LRRC28: variants seen among roughly 807,000 people sequenced by gnomAD.
The protein encoded by LRRC28 is leucine-rich repeat-containing protein 28.
LRRC28 carries 39 observed loss-of-function variants against 45.7 expected under a neutral mutation model. That is an observed-to-expected ratio of 0.85 (90% confidence interval 0.66 to 1.12). The LOEUF (loss-of-function observed/expected upper bound fraction) is 1.12. Ranked by LOEUF, LRRC28 falls within the 50% of genes most tolerant of loss-of-function variation. The pLI is 0.00. For missense variants in LRRC28, 435 were observed against 438.5 expected, an observed-to-expected ratio of 0.99 and a Z score of 0.07; for synonymous variants, 206 against 178.8, an observed-to-expected ratio of 1.15 and a Z score of -1.22.
intron 5 of LRRC28, among the ~76,000 whole-genome samples, chr15:99,293,319 T>C (rs2082173854): frequency 6.6e-6 from 1 of 152,032 alleles, no homozygotes; most frequent in East Asian, 1.9e-4. Flanking sequence ...TAAGGTTGGG[T>C]GCGGTGGCTC....
At chr15:99,385,964 G>A in intron 9 of LRRC28, 66 bp from the exon 10 acceptor site, 1 of 1,444,828 alleles carries the variant, frequency 6.9e-7, no homozygotes, top group Non-Finnish European at 9.7e-7. Flanking sequence ...AAAGTTTCCA[G>A]CAGAAAGAAT....
chr15:99,374,952 C>A (rs1957585156), intron 9 of LRRC28, among the ~76,000 whole-genome samples: 2 of 152,040 alleles, frequency 1.3e-5, no homozygotes, highest in Non-Finnish European at 2.9e-5. Context: ...CAGGCATGAG[C>A]CACCGCACCC....
chr15:99,316,462 G>T (rs1955597155), intron 5 of LRRC28, among the ~76,000 whole-genome samples: 2 of 152,138 alleles, frequency 1.3e-5, no homozygotes, highest in African/African-American at 4.8e-5. Flanking sequence ...GGGAATTAGG[G>T]AATAAGGAAA....
At chr15:99,304,673 C>T (rs1368408149) in intron 5 of LRRC28, among the ~76,000 whole-genome samples, 1 of 152,028 alleles carries the variant, frequency 6.6e-6, no homozygotes, top group Non-Finnish European at 1.5e-5. Flanking sequence ...TCTTGAACTC[C>T]TGACCTCAAG....
At chr15:99,355,166 A>T (rs181881429) in intron 7 of LRRC28, among the ~76,000 whole-genome samples, 1 of 152,246 alleles carries the variant, frequency 6.6e-6, no homozygotes, top group Non-Finnish European at 1.5e-5. Context: ...GCTTCTTCTT[A>T]TTCTATGTTT....
intron 2 of LRRC28, among the ~76,000 whole-genome samples, chr15:99,272,250 C>T (rs572978116): frequency 1.3e-5 from 2 of 152,302 alleles, no homozygotes; most frequent in South Asian, 4.1e-4. Context: ...CTACACTGTA[C>T]TAGTCTCTCA....
chr15:99,347,012 T>A (rs898450299), intron 6 of LRRC28, among the ~76,000 whole-genome samples: 1 of 152,190 alleles, frequency 6.6e-6, no homozygotes, highest in Non-Finnish European at 1.5e-5. Context: ...TCATCTCACA[T>A]AGTTTTTCAT....
intron 2 of LRRC28, among the ~76,000 whole-genome samples, chr15:99,271,688 C>T (rs12592064): frequency 0.095 from 14,499 of 152,236 alleles, 969 homozygotes; most frequent in East Asian, 0.32. Flanking sequence ...CCTCCCCCTC[C>T]TGGGTTCAAG....
chr15:99,276,591 C>T lies in LRRC28; in HGVS notation c.184C>T (p.Gln62Ter), dbSNP rs773574636. 6.5e-7 allele frequency: 1 copy of T among 1,528,466 alleles called. No homozygotes were observed. The highest frequency in any genetic ancestry group is 8.7e-7 in the Non-Finnish European group (1 of 1,146,024). 94.7% of individuals were successfully genotyped at this position (1,528,466 alleles called of 1,614,324 possible). A position where few individuals can be genotyped will look rare whatever the true frequency, so the allele number is the denominator to read the frequency against. Residue 62 changes from glutamine to a stop codon, truncating the protein, a stop_gained, in exon 3 of 10, where the codon CAG (glutamine) becomes TAG (stop). Coordinates refer to ENST00000301981, the MANE Select transcript of LRRC28 (RefSeq NM_144598.5). LOFTEE classifies it high-confidence loss of function. ...TAATTTTCAGCCAGAAAACCTTGCTCAGAAGCTTCCAAACCTTGTGGAACT... is the reference window on the plus strand; with the variant it reads ...TAATTTTCAGCCAGAAAACCTTGCTTAGAAGCTTCCAAACCTTGTGGAACT... ...SLTSLPENLA[Q>*]KLPNLVELYL...
intron 5 of LRRC28, among the ~76,000 whole-genome samples, chr15:99,295,305 A>G (rs1219478163): frequency 6.6e-6 from 1 of 152,254 alleles, no homozygotes; most frequent in Non-Finnish European, 1.5e-5. Context: ...CATCAAAACT[A>G]TAACATTATT....
At chr15:99,276,765 C>G in intron 3 of LRRC28, 149 bp downstream of exon 3, 1 of 498,326 alleles carries the variant, frequency 2.0e-6, no homozygotes, top group Non-Finnish European at 3.4e-6. Flanking sequence ...TGTGGTTCTA[C>G]TAAACCCAAT....
chr15:99,288,371 CTTTTTTTTTTTTTT>C lies in LRRC28; in HGVS notation c.385+436_385+449del, dbSNP rs67593137. ...TAGTGAGGTAACTAATGTACATTAA[CTTTTTTTTTTTTTT>C]TTTTTTTTTTTTTTTGAGATAGAGT... On this transcript the variant is annotated intron_variant, in intron 5 of 9. Transcript: ENST00000301981. Among the ~76,000 whole-genome samples the C allele has an allele frequency of 3.2e-3, 262 of 82,922 alleles. 2 individuals carry two copies. Among genetic ancestry groups the C allele is most frequent in the Middle Eastern group, 0.029 (3 of 104 alleles). 54.4% of individuals were successfully genotyped at this position (82,922 alleles called of 152,430 possible). A position where few individuals can be genotyped will look rare whatever the true frequency, so the allele number is the denominator to read the frequency against.
At chr15:99,302,120 G>A (rs977402905) in intron 5 of LRRC28, among the ~76,000 whole-genome samples, 10 of 148,224 alleles carry the variant, frequency 6.7e-5, no homozygotes, top group Middle Eastern at 3.8e-3. Context: ...TCCACCTCCC[G>A]GGTTCACACC....
At chr15:99,318,546 A>G (rs541845339) in intron 5 of LRRC28, among the ~76,000 whole-genome samples, 6 of 152,156 alleles carry the variant, frequency 3.9e-5, no homozygotes, top group South Asian at 4.1e-4. Flanking sequence ...CTTGATATTA[A>G]TCATTTTTGA....
rs1440631067 is a variant in LRRC28, at chr15:99,307,670, A to G, written c.385+19719A>G. Among the ~76,000 whole-genome samples the G allele has an allele frequency of 2.0e-5, 3 of 152,176 alleles. No homozygotes were observed. The East Asian group carries it at 5.8e-4, about 29-fold the overall frequency. ...CTTCCCAGTTTATTTCTATCCTCTT[A>G]GAGTCCACACTCCATGAAGACTGGC... On this transcript the variant is annotated intron_variant, in intron 5 of 9. Transcript: ENST00000301981.
At position 99,378,533 on chromosome 15, in the gene LRRC28, A is replaced by C. The variant is rs181143169; in HGVS notation, c.1032-7497A>C. 4.1e-4 allele frequency among the ~76,000 whole-genome samples: 62 copies of C among 152,074 alleles called. No homozygotes were observed. The East Asian group carries it at 9.3e-3, about 23-fold the overall frequency. On this transcript the variant is annotated intron_variant, in intron 9 of 9. Transcript: ENST00000301981. ...TTTCCTAATTCAGTACCCTTTATTT[A>C]TTTCTCCTGCCTGATTGCCCTGGCC...
At chr15:99,364,961 C>A (rs1957301779) in intron 9 of LRRC28, among the ~76,000 whole-genome samples, 1 of 152,052 alleles carries the variant, frequency 6.6e-6, no homozygotes, top group South Asian at 2.1e-4. Context: ...AGTTCAAACC[C>A]TTATGCATTG....
rs1443219771 is a variant in LRRC28, at chr15:99,285,757, CT to C, written c.210-1494del. 1.5e-5 allele frequency: 8 copies of C among 521,710 alleles called. No homozygotes were observed. In the Admixed American group the frequency reaches 1.8e-4, roughly 12 times the overall value. The allele number at this position is 521,710 out of a possible 1,614,324, so 32.3% of individuals were successfully genotyped here. ...TATTTTGATTTGGACATTTTAACGT[CT>C]TTTTTATAGGTGGAACTTGAATTGA... On this transcript the variant is annotated intron_variant, in intron 3 of 9. Coordinates refer to ENST00000301981, the MANE Select transcript of LRRC28 (RefSeq NM_144598.5).
chr15:99,361,613 G>T (rs1424116787), intron 8 of LRRC28, 102 bp downstream of exon 8: 4 of 1,165,434 alleles, frequency 3.4e-6, no homozygotes, highest in Non-Finnish European at 4.8e-6. Context: ...AAATTATTGT[G>T]GTAAAATACA....
Sources: gnomAD v4.1 joint callset for allele counts (sites outside exome capture counted in the v4.1 genomes callset) on GRCh38, gnomAD v4.1.1 for gene constraint, MANE v1.5 for transcripts, NCBI Gene and HGNC (gene_info 2026-07-23, HGNC 2026-07-21) for gene names.